REV3L: variants seen among roughly 807,000 people sequenced by gnomAD.
The protein encoded by REV3L is REV3 like, DNA directed polymerase zeta catalytic subunit, also known as DNA polymerase zeta catalytic subunit.
In REV3L, 69 loss-of-function variants were observed where a neutral mutation model predicts 299.4. The observed-to-expected ratio is 0.23, with a 90% CI of 0.19 to 0.28. The LOEUF (loss-of-function observed/expected upper bound fraction) is 0.28, where lower values mean the gene tolerates loss of function less well. Among genes scored for constraint, REV3L ranks in the 10% least tolerant of loss-of-function variants. REV3L has a pLI of 1.00. For synonymous variants in REV3L, 1,238 were observed against 1,271.4 expected, an observed-to-expected ratio of 0.97 and a Z score of 0.56; for missense variants, 3,128 against 3,693.8, an observed-to-expected ratio of 0.85 and a Z score of 3.97.
Position 111,381,337 on chromosome 6 carries a change from A to C in REV3L, c.1204T>G (p.Ser402Ala). The change falls in exon 10 of 32, where the codon TCA becomes GCA. Residue 402 changes from serine (S) to alanine (A), a missense_variant. Ser to Ala is a moderately conservative substitution (Grantham distance 99). Around this residue, in one of 9 missense-constraint regions of REV3L, gnomAD observed 2,409 missense variants for 2,611.8 expected, o/e 0.92. Transcript: ENST00000368802. ...FQPLTQRLSE[S>A]PVFMDSSPDE... is the part of the protein sequence containing the mutation. ...CACTGTTACTTACTGAAAACAGGTGACTCACTCAGTCTTTGGGTCAAAGGC... is the reference window on the plus strand; with the variant it reads ...CACTGTTACTTACTGAAAACAGGTGCCTCACTCAGTCTTTGGGTCAAAGGC... The C allele has an allele frequency of 6.2e-7, 1 of 1,613,472 alleles. No individual in the cohort carries two copies. Among genetic ancestry groups the C allele is most frequent in the Non-Finnish European group, 8.5e-7 (1 of 1,179,806 alleles).
chr6:111,448,584 C>T (rs1387965836), intron 1 of REV3L, among the ~76,000 whole-genome samples: 1 of 152,022 alleles, frequency 6.6e-6, no homozygotes, highest in Non-Finnish European at 1.5e-5. Flanking sequence ...CTCGGCCTCC[C>T]AAAGTGCTGG....
At chr6:111,479,040 G>A (rs1396212127) in intron 1 of REV3L, among the ~76,000 whole-genome samples, 2 of 152,202 alleles carry the variant, frequency 1.3e-5, no homozygotes, top group Non-Finnish European at 2.9e-5. Flanking sequence ...AACTCAGCAT[G>A]AAGTGAGTTA....
At chr6:111,313,541 A>G (rs745499367) in intron 27 of REV3L, 52 bp from the exon 28 acceptor site, 2 of 1,527,762 alleles carry the variant, frequency 1.3e-6, no homozygotes, top group Non-Finnish European at 1.8e-6. Flanking sequence ...CCCCACCAAG[A>G]ATGTTTTATT....
intron 1 of REV3L, among the ~76,000 whole-genome samples, chr6:111,463,507 T>G (rs1181515801): frequency 6.6e-6 from 1 of 152,234 alleles, no homozygotes; most frequent in South Asian, 2.1e-4. Context: ...GCACTACTGA[T>G]TGTAAGACAT....
intron 25 of REV3L, among the ~76,000 whole-genome samples, chr6:111,327,696 A>T (rs1396821863): frequency 6.6e-6 from 1 of 151,972 alleles, no homozygotes; most frequent in Non-Finnish European, 1.5e-5. Context: ...TTTTTATCTT[A>T]CCTAAAAGTA....
intron 25 of REV3L, among the ~76,000 whole-genome samples, chr6:111,329,022 C>T (rs150290855): frequency 5.3e-5 from 8 of 152,250 alleles, no homozygotes; most frequent in Non-Finnish European, 1.0e-4. Context: ...ATGCCTTGGC[C>T]TCCCAAAGTG....
chr6:111,347,090 A>G (rs1777106213), intron 20 of REV3L, among the ~76,000 whole-genome samples: 1 of 151,894 alleles, frequency 6.6e-6, no homozygotes, highest in Admixed American at 6.6e-5. Flanking sequence ...GCCAACAAGG[A>G]AAAACCGTGT....
At chr6:111,408,359 T>C (rs775958764) in intron 3 of REV3L, among the ~76,000 whole-genome samples, 13 of 152,112 alleles carry the variant, frequency 8.5e-5, no homozygotes, top group Admixed American at 3.3e-4. Flanking sequence ...TCCCAGCACT[T>C]TGGGAGCCTG....
In REV3L at chr6:111,455,066, G is replaced by A. The variant is rs903369376; in HGVS notation, c.139+27684C>T. The stretch of plus-strand genomic sequence containing the variant: ...CCTCATGAAACGCACACTCTAAGAG[G>A]CAAGTCAGACATGTTAAAAACAAAC... On this transcript the variant is annotated intron_variant, in intron 1 of 31. Transcript: ENST00000368802. Among the ~76,000 whole-genome samples, 6 of 152,146 alleles carry A rather than the reference G, an allele frequency of 3.9e-5. 1 individual carries two copies. The highest frequency in any genetic ancestry group is 1.4e-4 in the African/African-American group (6 of 41,446).
Position 111,411,573 on chromosome 6 carries a change from A to T in REV3L, c.330-19T>A. 1 of 1,437,362 alleles carries T rather than the reference A, an allele frequency of 7.0e-7. No individual in the cohort carries two copies. Among genetic ancestry groups the T allele is most frequent in the Non-Finnish European group, 9.6e-7 (1 of 1,045,766 alleles). The allele number at this position is 1,437,362 out of a possible 1,614,324, so 89.0% of individuals were successfully genotyped here. On this transcript the variant is annotated intron_variant, in intron 2 of 31. Coordinates refer to ENST00000368802, the MANE Select transcript of REV3L (RefSeq NM_001372078.1). ...AAAAGGCCTGAAATATAAGAAAAAA[A>T]ATTTCAAATTATTTTCATAATTCAG...
At chr6:111,455,320 AG>A (rs765577921) in intron 1 of REV3L, among the ~76,000 whole-genome samples, 11 of 152,174 alleles carry the variant, frequency 7.2e-5, no homozygotes, top group Non-Finnish European at 1.3e-4. Flanking sequence ...CTGAACACCT[AG>A]GACAGCCAAG....
intron 20 of REV3L, 80 bp downstream of exon 20, chr6:111,349,138 T>C (rs1412917977): frequency 1.3e-6 from 1 of 749,180 alleles, no homozygotes; most frequent in Non-Finnish European, 2.3e-6. Context: ...TAGTAAATCT[T>C]ACTAATACTC....
At chr6:111,349,011 A>AG (rs1777314273) in intron 20 of REV3L, 1 of 379,266 alleles carries the variant, frequency 2.6e-6, no homozygotes, top group Non-Finnish European at 4.7e-6. Context: ...GACACAAGAA[A>AG]AAAAAAAAAA....
At chr6:111,405,970 A>C (rs1200093369) in intron 3 of REV3L, among the ~76,000 whole-genome samples, 1 of 152,206 alleles carries the variant, frequency 6.6e-6, no homozygotes, top group Non-Finnish European at 1.5e-5. Flanking sequence ...AAAAAGGAAA[A>C]GAAATCATTA....
chr6:111,320,327 A>G (rs941717865), intron 26 of REV3L, among the ~76,000 whole-genome samples: 8 of 152,180 alleles, frequency 5.3e-5, no homozygotes, highest in Non-Finnish European at 8.8e-5. Flanking sequence ...TGGCCTCCCA[A>G]AGTGCTGGGA....
chr6:111,320,750 C>T (rs954878535), intron 26 of REV3L, among the ~76,000 whole-genome samples: 3 of 152,206 alleles, frequency 2.0e-5, no homozygotes, highest in Middle Eastern at 3.4e-3. Flanking sequence ...TGGGTTCAAG[C>T]GATCTTCCCA....
intron 1 of REV3L, among the ~76,000 whole-genome samples, chr6:111,429,790 G>C (rs1384865880): frequency 1.3e-5 from 2 of 152,108 alleles, no homozygotes; most frequent in Non-Finnish European, 2.9e-5. Flanking sequence ...GCCTGGCGCG[G>C]GGGGTGAGCA....
intron 20 of REV3L, among the ~76,000 whole-genome samples, chr6:111,346,554 G>A (rs1302269725): frequency 6.6e-6 from 1 of 152,114 alleles, no homozygotes; most frequent in Non-Finnish European, 1.5e-5. Context: ...TAATAAAACA[G>A]TGCACTGCAG....
chr6:111,370,120 C>T (rs750807994), intron 13 of REV3L, among the ~76,000 whole-genome samples: 30 of 152,094 alleles, frequency 2.0e-4, no homozygotes, highest in African/African-American at 6.5e-4. Context: ...CGTGAGCCAC[C>T]GTGCCCGGCC....
Sources: gnomAD v4.1 joint callset for allele counts (sites outside exome capture counted in the v4.1 genomes callset) on GRCh38, gnomAD v4.1.1 for gene constraint, gnomAD v4.1.1 regional missense constraint, MANE v1.5 for transcripts, NCBI Gene and HGNC (gene_info 2026-07-23, HGNC 2026-07-21) for gene names.